The following NEK7 variants were observed in gnomAD, a reference collection of about 807,000 sequenced individuals.
NEK7 encodes the protein serine/threonine-protein kinase Nek7.
In NEK7, 18 loss-of-function variants were observed where a neutral mutation model predicts 44.6. That is an observed-to-expected ratio of 0.40 (90% confidence interval 0.28 to 0.60). The LOEUF (loss-of-function observed/expected upper bound fraction) is 0.60, where lower values mean the gene tolerates loss of function less well. Among genes scored for constraint, NEK7 ranks in the 20% least tolerant of loss-of-function variants. NEK7 has a pLI of 0.38. For missense variants in NEK7, 256 were observed against 366.5 expected, an observed-to-expected ratio of 0.70 and a Z score of 2.46; for synonymous variants, 130 against 121.1, an observed-to-expected ratio of 1.07 and a Z score of -0.48.
At position 198,308,325 on chromosome 1, in the gene NEK7, G is replaced by T. The variant is rs190852710; in HGVS notation, c.798+11085G>T. Among the ~76,000 whole-genome samples, 265 of 152,216 alleles carry T rather than the reference G, an allele frequency of 1.7e-3. 2 individuals carry two copies. Among genetic ancestry groups the T allele is most frequent in the African/African-American group, 6.2e-3 (256 of 41,550 alleles). The stretch of plus-strand genomic sequence containing the variant: ...AAAGTTATTTAATGTATACAATTCA[G>T]TTATCTCGATATGAATGCAGAATTA... On this transcript the variant is annotated intron_variant, in intron 9 of 9. Transcript: ENST00000367385.
chr1:198,252,265 T>A (rs1653035118), intron 2 of NEK7, among the ~76,000 whole-genome samples: 1 of 152,036 alleles, frequency 6.6e-6, no homozygotes, highest in Non-Finnish European at 1.5e-5. Flanking sequence ...TCTGATCTTT[T>A]ACATTTGTTG....
chr1:198,173,619 A>G (rs1422000317), intron 1 of NEK7, among the ~76,000 whole-genome samples: 1 of 152,122 alleles, frequency 6.6e-6, no homozygotes, highest in Non-Finnish European at 1.5e-5. Flanking sequence ...CTCTTAGTAT[A>G]GACCATCTTT....
chr1:198,310,048 A>C (rs974137488), intron 9 of NEK7, among the ~76,000 whole-genome samples: 19 of 151,568 alleles, frequency 1.3e-4, no homozygotes, highest in Non-Finnish European at 1.3e-4. Flanking sequence ...GAACTAGTTT[A>C]CAGTCCCACC....
chr1:198,277,220 A>G (rs1049503752), intron 5 of NEK7, among the ~76,000 whole-genome samples: 2 of 151,812 alleles, frequency 1.3e-5, no homozygotes, highest in Admixed American at 6.6e-5. Context: ...GAAGTAGTAT[A>G]TTATTAGTAT....
At chr1:198,204,319 G>T (rs1407402272) in intron 1 of NEK7, among the ~76,000 whole-genome samples, 1 of 152,074 alleles carries the variant, frequency 6.6e-6, no homozygotes, top group African/African-American at 2.4e-5. Flanking sequence ...CTTATTTTTT[G>T]CTGTGCTGTA....
chr1:198,256,288 T>C (rs1002369763), intron 3 of NEK7: 76 of 1,529,554 alleles, frequency 5.0e-5, no homozygotes, highest in Non-Finnish European at 6.5e-5. Flanking sequence ...TTCAGGGCTA[T>C]TAACAAAGGA....
rs555635495 is a variant in NEK7 at position 198,172,148 on chromosome 1, T to TA, written c.-29+14875dup. Among the ~76,000 whole-genome samples, 259 of 152,186 alleles carry TA rather than the reference T, an allele frequency of 1.7e-3. 1 individual carries two copies. The highest frequency in any genetic ancestry group is 6.0e-3 in the African/African-American group (248 of 41,508). On this transcript the variant is annotated intron_variant, in intron 1 of 9. Transcript: ENST00000367385. Reference sequence around the variant, plus strand: ...GAGTTAATGAATGAGCTGGAGAAGATAAAGAGACAGGAGTCTAGGTTAGCC... The same window carrying TA: ...GAGTTAATGAATGAGCTGGAGAAGATAAAAGAGACAGGAGTCTAGGTTAGCC...
intron 1 of NEK7, among the ~76,000 whole-genome samples, chr1:198,215,582 T>C (rs1665894116): frequency 6.6e-6 from 1 of 152,116 alleles, no homozygotes; most frequent in Admixed American, 6.5e-5. Context: ...AGCCAAAAGA[T>C]TGGACACCTC....
intron 1 of NEK7, among the ~76,000 whole-genome samples, chr1:198,168,291 T>A (rs1664329333): frequency 6.6e-6 from 1 of 152,182 alleles, no homozygotes; most frequent in Non-Finnish European, 1.5e-5. Context: ...TCAGATAATA[T>A]AAGAAGCATG....
intron 1 of NEK7, among the ~76,000 whole-genome samples, chr1:198,159,670 G>A (rs1172989614): frequency 6.6e-6 from 1 of 152,130 alleles, no homozygotes; most frequent in Non-Finnish European, 1.5e-5. Context: ...GATAATACAT[G>A]TAGCACCCAC....
intron 9 of NEK7, among the ~76,000 whole-genome samples, chr1:198,313,699 A>C (rs1655261665): frequency 7.5e-6 from 1 of 133,350 alleles, no homozygotes; most frequent in Non-Finnish European, 1.5e-5. Flanking sequence ...TCACTTATGA[A>C]GCTTAGTTTG....
At position 198,217,967 on chromosome 1, in the gene NEK7, G is replaced by T. The variant is rs1293995368; in HGVS notation, c.-28-14586G>T. ...AAATGGAAATACATCCCATGCTCAG[G>T]GATTGAAAGAATCAATATTGTGAAA... On this transcript the variant is annotated intron_variant, in intron 1 of 9. Coordinates refer to ENST00000367385, the MANE Select transcript of NEK7 (RefSeq NM_133494.3). Among the ~76,000 whole-genome samples, 3 of 151,818 alleles carry T rather than the reference G, an allele frequency of 2.0e-5. No homozygotes were observed. In the East Asian group the frequency reaches 5.8e-4, roughly 29 times the overall value.
At chr1:198,224,702 A>G (rs1289702268) in intron 1 of NEK7, among the ~76,000 whole-genome samples, 3 of 151,976 alleles carry the variant, frequency 2.0e-5, no homozygotes, top group African/African-American at 7.2e-5. Flanking sequence ...ATTAGTATGT[A>G]TTTTTAAAAT....
At chr1:198,306,328 T>C (rs535538025) in intron 9 of NEK7, among the ~76,000 whole-genome samples, 2 of 152,284 alleles carry the variant, frequency 1.3e-5, no homozygotes, top group South Asian at 4.1e-4. Context: ...AGTTCTCCAT[T>C]GGAGTCTTAG....
intron 9 of NEK7, among the ~76,000 whole-genome samples, chr1:198,316,284 A>G (rs927933599): frequency 1.1e-4 from 16 of 152,212 alleles, no homozygotes; most frequent in African/African-American, 3.6e-4. Context: ...TTTAAGAAAC[A>G]GGCTGTGTCC....
rs1034223145 is a variant in NEK7 at position 198,262,476 on chromosome 1, G to T, written c.199-99G>T. 19 of 724,716 alleles carry T rather than the reference G, an allele frequency of 2.6e-5. No homozygotes were observed. The Admixed American group carries it at 4.4e-4, about 17-fold the overall frequency. 44.9% of individuals were successfully genotyped at this position (724,716 alleles called of 1,614,324 possible). A position where few individuals can be genotyped will look rare whatever the true frequency, so the allele number is the denominator to read the frequency against. ...AGCTAATCAGAAAGAAAATTCCTTA[G>T]TGTACAAATAATTACATGTAGAGTA... On this transcript the variant is annotated intron_variant, in intron 3 of 9. Coordinates refer to ENST00000367385, the MANE Select transcript of NEK7 (RefSeq NM_133494.3).
At chr1:198,233,334 G>A (rs1320366612) in intron 2 of NEK7, among the ~76,000 whole-genome samples, 2 of 152,076 alleles carry the variant, frequency 1.3e-5, no homozygotes, top group Non-Finnish European at 2.9e-5. Flanking sequence ...TCATTATTTA[G>A]CATCCTGCAT....
intron 1 of NEK7, among the ~76,000 whole-genome samples, chr1:198,220,297 T>C (rs1666046392): frequency 6.6e-6 from 1 of 151,962 alleles, no homozygotes; most frequent in African/African-American, 2.4e-5. Context: ...CAACAAAATG[T>C]TTCAGACTCA....
chr1:198,242,886 TCTTGAA>T (rs1429564601), intron 2 of NEK7, among the ~76,000 whole-genome samples: 3 of 151,422 alleles, frequency 2.0e-5, no homozygotes, highest in South Asian at 2.1e-4. Flanking sequence ...TCCAGGGTGG[TCTTGAA>T]CTTCCGAGCT....
Sources: gnomAD v4.1 joint callset for allele counts (sites outside exome capture counted in the v4.1 genomes callset) on GRCh38, gnomAD v4.1.1 for gene constraint, MANE v1.5 for transcripts, NCBI Gene and HGNC (gene_info 2026-07-23, HGNC 2026-07-21) for gene names.